Variants in EGFLAM observed in about 807,000 individuals in gnomAD.
The protein encoded by EGFLAM is pikachurin.
In EGFLAM, 79 loss-of-function variants were observed where a neutral mutation model predicts 113.1. The observed-to-expected ratio is 0.70, with a 90% CI of 0.58 to 0.84. The LOEUF (loss-of-function observed/expected upper bound fraction) is 0.84, where lower values mean the gene tolerates loss of function less well. Among genes scored for constraint, EGFLAM ranks in the 40% least tolerant of loss-of-function variants. EGFLAM has a pLI of 0.00. For synonymous variants in EGFLAM, 504 were observed against 487.6 expected, an observed-to-expected ratio of 1.03 and a Z score of -0.44; for missense variants, 1,265 against 1,291.6, an observed-to-expected ratio of 0.98 and a Z score of 0.32.
At chr5:38,301,728 G>A (rs1313072638) in intron 1 of EGFLAM, among the ~76,000 whole-genome samples, 1 of 152,118 alleles carries the variant, frequency 6.6e-6, no homozygotes, top group Non-Finnish European at 1.5e-5. Flanking sequence ...GGGTGGGAAT[G>A]AGATGAAAAT....
chr5:38,303,593 TCC>T, intron 1 of EGFLAM, among the ~76,000 whole-genome samples: 1 of 152,292 alleles, frequency 6.6e-6, no homozygotes, highest in East Asian at 1.9e-4. Flanking sequence ...TTCTTTGTCT[TCC>T]CTAAAGTAGT....
intron 5 of EGFLAM, among the ~76,000 whole-genome samples, chr5:38,358,825 A>T (rs990541418): frequency 3.3e-5 from 5 of 152,148 alleles, no homozygotes; most frequent in African/African-American, 1.2e-4. Context: ...GCAGTGTAGA[A>T]AAGATCTGAA....
chr5:38,403,997 G>T (rs1371773377), intron 6 of EGFLAM: 2 of 1,599,436 alleles, frequency 1.3e-6, no homozygotes, highest in Non-Finnish European at 1.7e-6. Flanking sequence ...CCTCCCCTTT[G>T]TTATCCCACC....
chr5:38,278,362 C>A (rs1006610934), intron 1 of EGFLAM, among the ~76,000 whole-genome samples: 2 of 152,132 alleles, frequency 1.3e-5, no homozygotes, highest in Non-Finnish European at 2.9e-5. Context: ...TGAAATTAAA[C>A]CCTTATCTCT....
chr5:38,436,632 C>T (rs1179328969), intron 16 of EGFLAM, among the ~76,000 whole-genome samples: 1 of 152,160 alleles, frequency 6.6e-6, no homozygotes, highest in African/African-American at 2.4e-5. Context: ...CATCCTCTGC[C>T]CGCTCTTCTC....
At chr5:38,444,824 AGTCCCAGCTACTCAGGAG>A (rs749611128) in intron 17 of EGFLAM, among the ~76,000 whole-genome samples, 5 of 152,202 alleles carry the variant, frequency 3.3e-5, no homozygotes, top group Non-Finnish European at 7.3e-5. Context: ...ACATGCCTAT[AGTCCCAGCTACTCAGGAG>A]GCTGAGGCAG....
chr5:38,444,996 G>T (rs1436150912), intron 17 of EGFLAM, among the ~76,000 whole-genome samples: 1 of 152,150 alleles, frequency 6.6e-6, no homozygotes, highest in East Asian at 1.9e-4. Flanking sequence ...ACTACAAAGA[G>T]CCAGAAAGGG....
At chr5:38,448,507 C>G in intron 18 of EGFLAM, 128 bp downstream of exon 18, 2 of 919,262 alleles carry the variant, frequency 2.2e-6, no homozygotes, top group Non-Finnish European at 3.4e-6. Flanking sequence ...GCCATGGCCT[C>G]AGGGGAAAAA....
chr5:38,391,145 C>T (rs1740798545), intron 6 of EGFLAM, among the ~76,000 whole-genome samples: 1 of 152,002 alleles, frequency 6.6e-6, no homozygotes, highest in African/African-American at 2.4e-5. Context: ...TGTTAATCCA[C>T]CTAGAATTCA....
At chr5:38,326,236 G>C (rs981583394) in intron 1 of EGFLAM, among the ~76,000 whole-genome samples, 2 of 152,168 alleles carry the variant, frequency 1.3e-5, no homozygotes, top group Admixed American at 1.3e-4. Flanking sequence ...GGCCCAAAGG[G>C]ACATGATGGT....
intron 1 of EGFLAM, among the ~76,000 whole-genome samples, chr5:38,300,301 C>T (rs1447795041): frequency 6.6e-6 from 1 of 152,166 alleles, no homozygotes; most frequent in Non-Finnish European, 1.5e-5. Context: ...AATGAGGAGC[C>T]ACTGCTGGTT....
chr5:38,294,132 AG>A (rs1430375829), intron 1 of EGFLAM, among the ~76,000 whole-genome samples: 2 of 152,184 alleles, frequency 1.3e-5, no homozygotes, highest in Non-Finnish European at 2.9e-5. Context: ...TGGTGTTTCA[AG>A]CTGCAGGTTC....
chr5:38,324,635 T>C (rs1738830734), intron 1 of EGFLAM, among the ~76,000 whole-genome samples: 1 of 152,044 alleles, frequency 6.6e-6, no homozygotes, highest in Non-Finnish European at 1.5e-5. Flanking sequence ...CCAGCCTTTG[T>C]GCTGCACTCA....
chr5:38,455,176 G>T (rs1248412050), intron 19 of EGFLAM, among the ~76,000 whole-genome samples: 3 of 152,090 alleles, frequency 2.0e-5, no homozygotes, highest in Admixed American at 2.0e-4. Flanking sequence ...ATTTAAAGGG[G>T]GCATGATTAA....
chr5:38,361,550 C>T (rs1422986977), intron 5 of EGFLAM, among the ~76,000 whole-genome samples: 1 of 152,072 alleles, frequency 6.6e-6, no homozygotes, highest in Non-Finnish European at 1.5e-5. Context: ...TTTGGCTTCC[C>T]TGGGCCACAT....
intron 1 of EGFLAM, among the ~76,000 whole-genome samples, chr5:38,277,102 G>C (rs1439148490): frequency 6.6e-6 from 1 of 151,976 alleles, no homozygotes; most frequent in Non-Finnish European, 1.5e-5. Context: ...ATCAGATAAG[G>C]ATATAACAAG....
chr5:38,392,887 A>G (rs540466179), intron 6 of EGFLAM, among the ~76,000 whole-genome samples: 9 of 151,778 alleles, frequency 5.9e-5, no homozygotes, highest in East Asian at 5.8e-4. Flanking sequence ...CCTGTGTCCA[A>G]GTGTTCTCAT....
intron 10 of EGFLAM, among the ~76,000 whole-genome samples, chr5:38,411,009 C>T (rs1391612681): frequency 2.0e-5 from 3 of 152,146 alleles, no homozygotes; most frequent in African/African-American, 4.8e-5. Flanking sequence ...CCTTAGTTGC[C>T]CATCATTTTC....
chr5:38,406,924 AT>A lies in EGFLAM; in HGVS notation c.926del (p.Ile309ThrfsTer10). ...ISNPKTISRLIPPTSASLPVT... is the reference protein window; with the variant it reads ...ISNPKTISRLXPPTSASLPVT... Reference sequence around the variant, plus strand: ...TAACCCAAAGACCATTTCTAGGCTCATCCCCCCTACCTCAGCATCTCTCCCT... The same window carrying A: ...TAACCCAAAGACCATTTCTAGGCTCACCCCCCTACCTCAGCATCTCTCCCT... On this transcript the variant is annotated frameshift_variant, in exon 8 of 22. Coordinates refer to ENST00000322350, the MANE Select transcript of EGFLAM (RefSeq NM_152403.4). LOFTEE classifies it high-confidence loss of function. 1 of 1,614,186 alleles carries A rather than the reference AT, an allele frequency of 6.2e-7. No individual in the cohort carries two copies. Among genetic ancestry groups the A allele is most frequent in the South Asian group, 1.1e-5 (1 of 91,088 alleles).
Sources: gnomAD v4.1 joint callset for allele counts (sites outside exome capture counted in the v4.1 genomes callset) on GRCh38, gnomAD v4.1.1 for gene constraint, MANE v1.5 for transcripts, NCBI Gene and HGNC (gene_info 2026-07-23, HGNC 2026-07-21) for gene names.